AGBL4: variants seen among roughly 807,000 people sequenced by gnomAD.
AGBL4 encodes AGBL carboxypeptidase 4, also known as cytosolic carboxypeptidase 6.
A neutral mutation model predicts 66.4 loss-of-function variants in AGBL4; 58 were observed. The ratio of observed to expected loss-of-function variants is 0.87; its 90% CI spans 0.71 to 1.09. The LOEUF (loss-of-function observed/expected upper bound fraction) is 1.09, where lower values mean the gene tolerates loss of function less well. Among genes scored for constraint, AGBL4 ranks in the 50% least tolerant of loss-of-function variants. AGBL4 has a pLI of 0.00. For missense variants in AGBL4, 579 were observed against 631.0 expected (o/e 0.92, Z 0.88); for synonymous variants, 234 against 222.9 (o/e 1.05, Z -0.44).
At chr1:49,296,753 C>A (rs1039688311) in intron 3 of AGBL4, among the ~76,000 whole-genome samples, 3 of 152,076 alleles carry the variant, frequency 2.0e-5, no homozygotes, top group African/African-American at 4.8e-5. Flanking sequence ...TACCTAGCTG[C>A]CAGAATGTAA....
intron 4 of AGBL4, among the ~76,000 whole-genome samples, chr1:49,198,605 G>T (rs769275752): frequency 2.0e-5 from 3 of 152,120 alleles, no homozygotes; most frequent in Non-Finnish European, 4.4e-5. Flanking sequence ...CTCCCAAAGT[G>T]CTAGGATTAC....
chr1:49,931,867 T>C (rs1653396745), intron 1 of AGBL4, among the ~76,000 whole-genome samples: 1 of 152,170 alleles, frequency 6.6e-6, no homozygotes, highest in African/African-American at 2.4e-5. Flanking sequence ...CTTCCAGATA[T>C]ATTATGAATT....
chr1:49,201,107 T>C (rs992667932), intron 4 of AGBL4, among the ~76,000 whole-genome samples: 1 of 152,146 alleles, frequency 6.6e-6, no homozygotes, highest in Non-Finnish European at 1.5e-5. Context: ...CACAGATATA[T>C]TCCCTTAGAG....
chr1:49,684,137 A>G (rs1300216126), intron 3 of AGBL4, among the ~76,000 whole-genome samples: 2 of 152,164 alleles, frequency 1.3e-5, no homozygotes, highest in Non-Finnish European at 2.9e-5. Flanking sequence ...TATCCAGCAA[A>G]CCAATGTCTA....
At chr1:49,844,396 C>T (rs534064184) in intron 2 of AGBL4, among the ~76,000 whole-genome samples, 70 of 152,336 alleles carry the variant, frequency 4.6e-4, no homozygotes, top group Non-Finnish European at 9.1e-4. Context: ...GCTCCCCTCA[C>T]AGACTCTACC....
At chr1:49,969,455 C>T (rs892863651) in intron 1 of AGBL4, among the ~76,000 whole-genome samples, 14 of 152,068 alleles carry the variant, frequency 9.2e-5, no homozygotes, top group South Asian at 2.1e-4. Context: ...CCATGCTATA[C>T]GGTGTATCTC....
chr1:49,946,919 T>C (rs1226055746), intron 1 of AGBL4, among the ~76,000 whole-genome samples: 1 of 151,948 alleles, frequency 6.6e-6, no homozygotes, highest in Admixed American at 6.6e-5. Context: ...TCAAGGCTAC[T>C]ATGAACACCT....
chr1:49,490,224 A>C (rs1363757597), intron 3 of AGBL4, among the ~76,000 whole-genome samples: 1 of 151,774 alleles, frequency 6.6e-6, no homozygotes, highest in Non-Finnish European at 1.5e-5. Context: ...CAGGAGATTT[A>C]ATCATGGTTA....
At chr1:48,544,177 T>G (rs1402420270) in intron 11 of AGBL4, among the ~76,000 whole-genome samples, 2 of 152,252 alleles carry the variant, frequency 1.3e-5, no homozygotes, top group Non-Finnish European at 2.9e-5. Flanking sequence ...CTCTGTCCTC[T>G]TGTTTAAAAA....
intron 4 of AGBL4, among the ~76,000 whole-genome samples, chr1:49,051,936 A>T (rs1180596830): frequency 6.6e-6 from 1 of 152,088 alleles, no homozygotes; most frequent in Non-Finnish European, 1.5e-5. Context: ...GCTGATGGGC[A>T]CTCAGGGTGG....
chr1:49,410,502 A>G (rs1645294497), intron 3 of AGBL4, among the ~76,000 whole-genome samples: 1 of 152,196 alleles, frequency 6.6e-6, no homozygotes. Flanking sequence ...AATATTATCA[A>G]CTAAATACAA....
At chr1:49,027,452 C>T (rs570542899) in intron 5 of AGBL4, among the ~76,000 whole-genome samples, 30 of 152,148 alleles carry the variant, frequency 2.0e-4, no homozygotes, top group East Asian at 1.2e-3. Context: ...CATGAGCCAC[C>T]GTGCCCAGCC....
At chr1:49,260,363 C>A (rs918105063) in intron 3 of AGBL4, among the ~76,000 whole-genome samples, 6 of 144,024 alleles carry the variant, frequency 4.2e-5, no homozygotes, top group African/African-American at 1.3e-4. Context: ...ATTAATGAAT[C>A]CAGGAGCTGG....
At chr1:49,232,931 A>G (rs1019919550) in intron 4 of AGBL4, among the ~76,000 whole-genome samples, 16 of 152,212 alleles carry the variant, frequency 1.1e-4, no homozygotes, top group African/African-American at 3.9e-4. Flanking sequence ...TATGATATTT[A>G]GCTTTGTTTT....
At chr1:49,372,663 CTTTCTTTCTT>C (rs1644385528) in intron 3 of AGBL4, among the ~76,000 whole-genome samples, 1 of 99,720 alleles carries the variant, frequency 1.0e-5, no homozygotes, top group Non-Finnish European at 2.2e-5. Context: ...TTCTTTCTTT[CTTTCTTTCTT>C]TCTTTCTCTT....
intron 11 of AGBL4, among the ~76,000 whole-genome samples, chr1:48,553,226 T>C (rs892284207): frequency 2.0e-5 from 3 of 152,108 alleles, no homozygotes; most frequent in African/African-American, 7.2e-5. Context: ...CCTGCCCAGC[T>C]GGGCCCCAGC....
intron 1 of AGBL4, among the ~76,000 whole-genome samples, chr1:49,938,487 C>T (rs1483306443): frequency 2.0e-5 from 3 of 152,194 alleles, no homozygotes; most frequent in South Asian, 2.1e-4. Flanking sequence ...TCTTCCCTAA[C>T]TCATTTTATG....
At chr1:49,269,157 C>T (rs1643997658) in intron 3 of AGBL4, 1 of 152,134 alleles carries the variant, frequency 6.6e-6, no homozygotes, top group Non-Finnish European at 1.5e-5. Flanking sequence ...CTTAGACCAA[C>T]ATATAGACGG....
At chr1:49,913,992 G>A (rs1358067768) in intron 1 of AGBL4, among the ~76,000 whole-genome samples, 1 of 152,172 alleles carries the variant, frequency 6.6e-6, no homozygotes, top group Non-Finnish European at 1.5e-5. Context: ...ATCCTTAAGG[G>A]TCTTTGAAAT....
Sources: gnomAD v4.1 joint callset for allele counts (sites outside exome capture counted in the v4.1 genomes callset) on GRCh38, gnomAD v4.1.1 for gene constraint, MANE v1.5 for transcripts, NCBI Gene and HGNC (gene_info 2026-07-23, HGNC 2026-07-21) for gene names.